The following ERBB4 variants were observed in gnomAD, a reference collection of about 807,000 sequenced individuals.
ERBB4 encodes erb-b2 receptor tyrosine kinase 4, also known as receptor tyrosine-protein kinase erbB-4.
In ERBB4, 42 loss-of-function variants were observed where a neutral mutation model predicts 158.0. That is an observed-to-expected ratio of 0.27 (90% CI 0.21 to 0.34). The LOEUF (loss-of-function observed/expected upper bound fraction) is 0.34. Ranked by LOEUF, ERBB4 falls within the 10% of genes least tolerant of loss-of-function variation. ERBB4 has a pLI of 1.00. For synonymous variants in ERBB4, 583 were observed against 558.7 expected (o/e 1.04, Z -0.61); for missense variants, 1,333 against 1,624.1 (o/e 0.82, Z 3.08).
chr2:212,242,236 T>TTAA (rs527539058), intron 1 of ERBB4, among the ~76,000 whole-genome samples: 134 of 152,054 alleles, frequency 8.8e-4, no homozygotes, highest in African/African-American at 3.1e-3. Flanking sequence ...AGAGAAAGCA[T>TTAA]TAATATTTAA....
In ERBB4 at chr2:211,721,580, T is replaced by G. The variant is rs528134232; in HGVS notation, c.883+813A>C. The stretch of plus-strand genomic sequence containing the variant: ...TTAAGATCCTTTAACATACCCTTTA[T>G]ATATATACATGTTTTATTTAAGGTT... On this transcript the variant is annotated intron_variant, in intron 7 of 27. Coordinates refer to ENST00000342788, the MANE Select transcript of ERBB4 (RefSeq NM_005235.3). Among the ~76,000 whole-genome samples the G allele has an allele frequency of 2.6e-4, 38 of 147,958 alleles. 1 individual carries two copies. The South Asian group carries it at 8.0e-3, about 31-fold the overall frequency.
chr2:212,286,116 C>T (rs548678904), intron 1 of ERBB4, among the ~76,000 whole-genome samples: 235 of 152,132 alleles, frequency 1.5e-3, no homozygotes, highest in African/African-American at 4.8e-3. Context: ...TTACTGAGAC[C>T]GAGATTTCAA....
intron 3 of ERBB4, among the ~76,000 whole-genome samples, chr2:211,880,596 T>C (rs1211618867): frequency 6.6e-6 from 1 of 152,184 alleles, no homozygotes; most frequent in East Asian, 1.9e-4. Flanking sequence ...CATACTAACA[T>C]GTTATAACAT....
intron 21 of ERBB4, 56 bp downstream of exon 21, chr2:211,430,889 A>C (rs1229375540): frequency 7.2e-7 from 1 of 1,396,940 alleles, no homozygotes; most frequent in African/African-American, 1.4e-5. Context: ...ATATAAGGAG[A>C]TAAAAGGATA....
intron 2 of ERBB4, among the ~76,000 whole-genome samples, chr2:212,067,766 C>T (rs2077987647): frequency 6.6e-6 from 1 of 152,000 alleles, no homozygotes; most frequent in African/African-American, 2.4e-5. Context: ...TTTCTCTTTA[C>T]TTATCCCTAC....
At chr2:211,860,875 C>A (rs2077992315) in intron 3 of ERBB4, among the ~76,000 whole-genome samples, 1 of 140,174 alleles carries the variant, frequency 7.1e-6, no homozygotes, top group African/African-American at 2.7e-5. Context: ...AATTTTATTT[C>A]TCTGAAATAA....
intron 2 of ERBB4, among the ~76,000 whole-genome samples, chr2:212,061,489 C>T (rs1050599367): frequency 1.4e-5 from 2 of 139,712 alleles, no homozygotes; most frequent in African/African-American, 5.4e-5. Context: ...AAAAAGCTTC[C>T]AGGAGACAAC....
At chr2:211,469,113 C>T (rs1035069739) in intron 20 of ERBB4, among the ~76,000 whole-genome samples, 7 of 151,924 alleles carry the variant, frequency 4.6e-5, no homozygotes, top group Non-Finnish European at 7.4e-5. Context: ...AAACTCTGCT[C>T]GTAAGCCCCT....
chr2:212,536,256 A>G (rs1665700796), intron 1 of ERBB4, among the ~76,000 whole-genome samples: 1 of 149,634 alleles, frequency 6.7e-6, no homozygotes, highest in Non-Finnish European at 1.5e-5. Flanking sequence ...ACTTGTTTTT[A>G]TAATAGCACT....
chr2:211,824,939 A>C (rs1053724675), intron 3 of ERBB4, among the ~76,000 whole-genome samples: 35 of 151,940 alleles, frequency 2.3e-4, no homozygotes, highest in African/African-American at 8.2e-4. Context: ...ATATCTCTAC[A>C]TTCTACACTA....
chr2:212,144,026 A>AT (rs1459432494), intron 1 of ERBB4, among the ~76,000 whole-genome samples: 1 of 152,060 alleles, frequency 6.6e-6, no homozygotes, highest in African/African-American at 2.4e-5. Context: ...CTCAAAAAAA[A>AT]AAAAAGAAGA....
intron 1 of ERBB4, among the ~76,000 whole-genome samples, chr2:212,246,076 AT>A (rs2084297592): frequency 6.6e-6 from 1 of 152,112 alleles, no homozygotes; most frequent in Non-Finnish European, 1.5e-5. Flanking sequence ...CGGCTTAGAT[AT>A]GTGCTGTCTC....
rs1054800479 is a variant in ERBB4 at position 211,628,729 on chromosome 2, G to A, written c.2079+1733C>T. On this transcript the variant is annotated intron_variant, in intron 17 of 27. Coordinates refer to ENST00000342788, the MANE Select transcript of ERBB4 (RefSeq NM_005235.3). ...CAAATGGTATTTCTAGTTCCAGATC[G>A]CTGAGGAATCACCACACTGACTTCC... Among the ~76,000 whole-genome samples, 27 of 152,236 alleles carry A rather than the reference G, an allele frequency of 1.8e-4. No homozygotes were observed. In the East Asian group the frequency reaches 3.7e-3, roughly 21 times the overall value.
chr2:211,852,636 C>CTT (rs10640429), intron 3 of ERBB4, among the ~76,000 whole-genome samples: 15,656 of 138,684 alleles, frequency 0.11, 1,145 homozygotes, highest in Non-Finnish European at 0.15. Flanking sequence ...CAATGGCCAA[C>CTT]TTTTTTTTTT....
chr2:211,842,428 C>T (rs2077491977), intron 3 of ERBB4, among the ~76,000 whole-genome samples: 1 of 140,600 alleles, frequency 7.1e-6, no homozygotes, highest in African/African-American at 2.5e-5. Flanking sequence ...TAAATGTAGT[C>T]AATATCTTTT....
intron 3 of ERBB4, among the ~76,000 whole-genome samples, chr2:211,826,496 T>C (rs912286830): frequency 6.6e-6 from 1 of 151,940 alleles, no homozygotes; most frequent in Admixed American, 6.6e-5. Flanking sequence ...TATTATTTAT[T>C]TATTTATTGT....
chr2:211,920,747 T>A (rs2079837844), intron 3 of ERBB4, among the ~76,000 whole-genome samples: 1 of 151,542 alleles, frequency 6.6e-6, no homozygotes, highest in African/African-American at 2.4e-5. Context: ...TGGCTGTAAT[T>A]TTGAACTGAC....
At chr2:211,667,119 A>T (rs2071662705) in intron 14 of ERBB4, among the ~76,000 whole-genome samples, 2 of 151,816 alleles carry the variant, frequency 1.3e-5, no homozygotes, top group Non-Finnish European at 2.9e-5. Flanking sequence ...TTGCAAAAAA[A>T]CTCATAGTGT....
intron 25 of ERBB4, among the ~76,000 whole-genome samples, chr2:211,407,087 T>G (rs770631755): frequency 2.0e-5 from 3 of 151,766 alleles, no homozygotes; most frequent in Non-Finnish European, 4.4e-5. Context: ...CTCAAAAAAA[T>G]AAAAATAAAT....
Sources: allele counts gnomAD v4.1 joint callset (sites outside exome capture counted in the v4.1 genomes callset), GRCh38; gene constraint gnomAD v4.1.1; transcripts MANE v1.5; gene names NCBI Gene and HGNC (gene_info 2026-07-23, HGNC 2026-07-21).